SUMF1: variants seen among roughly 807,000 people sequenced by gnomAD.
SUMF1 encodes the protein formylglycine-generating enzyme.
A neutral mutation model predicts 47.6 loss-of-function variants in SUMF1; 48 were observed. That is an observed-to-expected ratio of 1.01 (90% CI 0.80 to 1.28). The LOEUF is 1.28. SUMF1 is among the 50% of genes most tolerant of loss of function. The pLI, the probability that SUMF1 is intolerant of heterozygous loss-of-function variation, is 0.00. For synonymous variants in SUMF1, 230 were observed against 192.1 expected, an observed-to-expected ratio of 1.20 and a Z score of -1.63; for missense variants, 571 against 485.4, an observed-to-expected ratio of 1.18 and a Z score of -1.66.
intron 8 of SUMF1, among the ~76,000 whole-genome samples, chr3:4,351,635 A>C (rs1699504495): frequency 2.0e-5 from 3 of 151,722 alleles, no homozygotes; most frequent in Non-Finnish European, 4.4e-5. Context: ...GCCGCCCCTA[A>C]AAAAAAGTCC....
chr3:4,335,230 A>G (rs1699121597), intron 8 of SUMF1, among the ~76,000 whole-genome samples: 2 of 152,116 alleles, frequency 1.3e-5, no homozygotes, highest in Non-Finnish European at 2.9e-5. Context: ...TCCACCTTTA[A>G]ACTCTTCAAT....
At chr3:4,326,556 T>G (rs1698950606) in intron 8 of SUMF1, among the ~76,000 whole-genome samples, 1 of 145,660 alleles carries the variant, frequency 6.9e-6, no homozygotes, top group Admixed American at 6.8e-5. Context: ...CTCACTCTGT[T>G]GCCCAGGCTG....
intron 7 of SUMF1, among the ~76,000 whole-genome samples, chr3:4,401,499 A>G (rs373855307): frequency 1.3e-5 from 2 of 152,184 alleles, no homozygotes; most frequent in African/African-American, 4.8e-5. Flanking sequence ...CCTACTTTCC[A>G]AGCAAGCAGC....
intron 1 of SUMF1, among the ~76,000 whole-genome samples, chr3:4,460,539 C>T (rs2079782609): frequency 6.6e-6 from 1 of 151,712 alleles, no homozygotes; most frequent in Non-Finnish European, 1.5e-5. Context: ...CAAGGATCAG[C>T]TCCTCCAGGA....
At chr3:4,255,690 A>T (rs1405144958) in intron 8 of SUMF1, among the ~76,000 whole-genome samples, 1 of 139,982 alleles carries the variant, frequency 7.1e-6, no homozygotes, top group Non-Finnish European at 1.5e-5. Flanking sequence ...CCCATTGTCA[A>T]CATTAGACAG....
chr3:4,179,254 C>T (rs944924697), intron 8 of SUMF1, among the ~76,000 whole-genome samples: 2 of 152,068 alleles, frequency 1.3e-5, no homozygotes, highest in Admixed American at 6.6e-5. Flanking sequence ...AAGAACAAAG[C>T]TGGAGGCATC....
At chr3:4,208,951 G>T (rs537516326) in intron 8 of SUMF1, among the ~76,000 whole-genome samples, 1 of 152,160 alleles carries the variant, frequency 6.6e-6, no homozygotes, top group South Asian at 2.1e-4. Flanking sequence ...AAGGATATTG[G>T]TCTATAGTTT....
At chr3:4,216,839 G>C in intron 8 of SUMF1, among the ~76,000 whole-genome samples, 1 of 152,112 alleles carries the variant, frequency 6.6e-6, no homozygotes. Context: ...AGTTAGAATG[G>C]GGATCGTCAA....
At chr3:4,322,017 A>T (rs1324922076) in intron 8 of SUMF1, among the ~76,000 whole-genome samples, 1 of 152,166 alleles carries the variant, frequency 6.6e-6, no homozygotes, top group African/African-American at 2.4e-5. Context: ...ATAACCCAAG[A>T]CTAATCATGA....
At chr3:4,298,045 T>C (rs1697888841) in intron 8 of SUMF1, among the ~76,000 whole-genome samples, 1 of 152,252 alleles carries the variant, frequency 6.6e-6, no homozygotes, top group South Asian at 2.1e-4. Flanking sequence ...GTTTTCTTTT[T>C]ATTTTTTTAT....
intron 8 of SUMF1, among the ~76,000 whole-genome samples, chr3:4,291,367 C>G (rs1697738723): frequency 6.6e-6 from 1 of 152,062 alleles, no homozygotes; most frequent in South Asian, 2.1e-4. Flanking sequence ...ATCCATCTCT[C>G]TCTCCCCCTC....
At chr3:4,429,680 C>A (rs1263625731) in intron 3 of SUMF1, among the ~76,000 whole-genome samples, 2 of 152,202 alleles carry the variant, frequency 1.3e-5, no homozygotes, top group Non-Finnish European at 2.9e-5. Flanking sequence ...CTTATATTAA[C>A]AGTAAGAGAC....
chr3:4,401,065 T>C (rs542587885), intron 7 of SUMF1, among the ~76,000 whole-genome samples: 4,767 of 148,836 alleles, frequency 0.032, 132 homozygotes, highest in African/African-American at 0.075. Flanking sequence ...ACATGAGGTG[T>C]CTGGTTTTCT....
At chr3:4,048,704 A>G (rs531395102) in intron 9 of SUMF1, among the ~76,000 whole-genome samples, 1 of 152,288 alleles carries the variant, frequency 6.6e-6, no homozygotes, top group African/African-American at 2.4e-5. Context: ...CCAACACTTG[A>G]CAAATACAGT....
intron 8 of SUMF1, among the ~76,000 whole-genome samples, chr3:4,262,203 T>C (rs1485975834): frequency 6.6e-6 from 1 of 152,078 alleles, no homozygotes; most frequent in Non-Finnish European, 1.5e-5. Context: ...GCCCTTTCCT[T>C]GGGCCAGGTA....
intron 3 of SUMF1, among the ~76,000 whole-genome samples, chr3:4,426,231 G>A (rs1319912564): frequency 6.6e-6 from 1 of 152,192 alleles, no homozygotes; most frequent in Non-Finnish European, 1.5e-5. Flanking sequence ...ACACTTGTCT[G>A]TCTGTAAGAC....
chr3:4,180,758 T>C lies in SUMF1; in HGVS notation c.1015-112013A>G, dbSNP rs998036915. ...GTCCCAGCTATTTGGGAGGCTGAGG[T>C]GGAAAGATCACCTTAGCCTGGGAGG... On this transcript the variant is annotated intron_variant and NMD_transcript_variant, in intron 8 of 12. Transcript: ENST00000448413. Among the ~76,000 whole-genome samples, 6 of 146,216 alleles carry C rather than the reference T, an allele frequency of 4.1e-5. No individual in the cohort carries two copies. In the East Asian group the frequency reaches 1.2e-3, roughly 30 times the overall value.
intron 8 of SUMF1, among the ~76,000 whole-genome samples, chr3:4,139,019 CG>C (rs1191318798): frequency 1.3e-5 from 2 of 151,976 alleles, no homozygotes; most frequent in Non-Finnish European, 2.9e-5. Context: ...ATCAACCATG[CG>C]GAAAGTATAT....
At chr3:4,060,959 G>A (rs1328405585) in intron 9 of SUMF1, among the ~76,000 whole-genome samples, 1 of 152,120 alleles carries the variant, frequency 6.6e-6, no homozygotes, top group Non-Finnish European at 1.5e-5. Context: ...GGTCCTTCCA[G>A]CTTTCAAGTT....
Sources: gnomAD v4.1 joint callset for allele counts (sites outside exome capture counted in the v4.1 genomes callset) on GRCh38, gnomAD v4.1.1 for gene constraint, MANE v1.5 for transcripts, NCBI Gene and HGNC (gene_info 2026-07-23, HGNC 2026-07-21) for gene names.